EPAS1: variants seen among roughly 807,000 people sequenced by gnomAD.
EPAS1 encodes endothelial PAS domain-containing protein 1.
A neutral mutation model predicts 87.9 loss-of-function variants in EPAS1; 23 were observed. The ratio of observed to expected loss-of-function variants is 0.26; its 90% CI spans 0.19 to 0.37. The LOEUF (loss-of-function observed/expected upper bound fraction) is 0.37. Among genes scored for constraint, EPAS1 ranks in the 10% least tolerant of loss-of-function variants. The pLI, the probability that EPAS1 is intolerant of heterozygous loss-of-function variation, is 1.00. For synonymous variants in EPAS1, 508 were observed against 444.3 expected (o/e 1.14, Z -1.80); for missense variants, 1,138 against 1,120.7 (o/e 1.02, Z -0.22).
chr2:46,359,958 T>G (rs7583554), intron 4 of EPAS1, among the ~76,000 whole-genome samples: 1 of 151,906 alleles, frequency 6.6e-6, no homozygotes, highest in Non-Finnish European at 1.5e-5. Context: ...TAATTTTTGC[T>G]GAGAGAGAGG....
chr2:46,306,731 CT>C (rs1474721153), intron 1 of EPAS1, among the ~76,000 whole-genome samples: 1 of 152,114 alleles, frequency 6.6e-6, no homozygotes, highest in African/African-American at 2.4e-5. Flanking sequence ...AAAATTGTGC[CT>C]TTTGAGGAAC....
chr2:46,329,694 C>T (rs539091143), intron 1 of EPAS1, among the ~76,000 whole-genome samples: 28 of 152,228 alleles, frequency 1.8e-4, no homozygotes, highest in African/African-American at 6.5e-4. Flanking sequence ...CAGTGGTGGG[C>T]ACCTGTAATC....
At chr2:46,382,160 T>A in intron 14 of EPAS1, 71 bp downstream of exon 14, 3 of 1,421,586 alleles carry the variant, frequency 2.1e-6, no homozygotes, top group Non-Finnish European at 2.9e-6. Flanking sequence ...GAGCCCATCC[T>A]GGTTCTTCCA....
chr2:46,298,046 G>A (rs1682921263), intron 1 of EPAS1, 109 bp downstream of exon 1: 2 of 1,379,502 alleles, frequency 1.4e-6, no homozygotes, highest in African/African-American at 1.4e-5. Flanking sequence ...GAGGTCTTCG[G>A]AGCTCGAGGC....
chr2:46,353,086 A>G (rs532178689), intron 2 of EPAS1, among the ~76,000 whole-genome samples: 2 of 152,342 alleles, frequency 1.3e-5, no homozygotes, highest in South Asian at 4.1e-4. Flanking sequence ...TGAAGAGAAA[A>G]TATCTTCTCG....
intron 1 of EPAS1, among the ~76,000 whole-genome samples, chr2:46,324,023 C>T (rs1233878363): frequency 6.6e-6 from 1 of 152,198 alleles, no homozygotes; most frequent in African/African-American, 2.4e-5. Context: ...GTCTCATTTG[C>T]TGTTTGTGCA....
At chr2:46,350,460 C>A (rs1161545042) in intron 2 of EPAS1, among the ~76,000 whole-genome samples, 1 of 152,208 alleles carries the variant, frequency 6.6e-6, no homozygotes, top group Non-Finnish European at 1.5e-5. Flanking sequence ...GAAACCTCAA[C>A]GTTGAGAAAT....
rs199789779 is a variant in EPAS1 at position 46,381,577 on chromosome 2, G to A, written c.2046-19G>A. 9 of 1,613,904 alleles carry A rather than the reference G, an allele frequency of 5.6e-6. No individual in the cohort carries two copies. Among genetic ancestry groups the A allele is most frequent in the Admixed American group, 5.0e-5 (3 of 60,018 alleles). On this transcript the variant is annotated intron_variant, in intron 12 of 15. Transcript: ENST00000263734. ...GTGGCTCCAGACTCCCTCATAGCCT[G>A]CTCTCTCGGGCTTGGCAGGTCTGCA...
intron 6 of EPAS1, among the ~76,000 whole-genome samples, chr2:46,364,777 C>T (rs1205077770): frequency 2.6e-5 from 4 of 152,182 alleles, no homozygotes; most frequent in Admixed American, 1.3e-4. Flanking sequence ...TCTTCATTTA[C>T]GACTCAAACA....
chr2:46,376,310 A>G (rs1444566563), intron 8 of EPAS1, among the ~76,000 whole-genome samples: 1 of 152,224 alleles, frequency 6.6e-6, no homozygotes, highest in African/African-American at 2.4e-5. Context: ...GTGCAATAAT[A>G]TTTAATAAAA....
chr2:46,303,092 A>G (rs1437021425), intron 1 of EPAS1, among the ~76,000 whole-genome samples: 1 of 152,168 alleles, frequency 6.6e-6, no homozygotes, highest in Non-Finnish European at 1.5e-5. Flanking sequence ...GAAAAGAAAG[A>G]AAATATAAAG....
rs1008689161 is a variant in EPAS1 at position 46,383,848 on chromosome 2, G to A, written c.2462-661G>A. Among the ~76,000 whole-genome samples, 8 of 152,336 alleles carry A rather than the reference G, an allele frequency of 5.3e-5. No individual in the cohort carries two copies. In the South Asian group the frequency reaches 1.0e-3, roughly 20 times the overall value. ...CCCCAGCAAGGATCTGAGCTAGGAGGTGCAGGAGGCAATGGCCACTGGAAC... is the reference window on the plus strand; with the variant it reads ...CCCCAGCAAGGATCTGAGCTAGGAGATGCAGGAGGCAATGGCCACTGGAAC... On this transcript the variant is annotated intron_variant, in intron 15 of 15. Transcript: ENST00000263734.
intron 1 of EPAS1, among the ~76,000 whole-genome samples, chr2:46,345,866 T>C (rs1202340359): frequency 6.6e-6 from 1 of 152,200 alleles, no homozygotes; most frequent in Non-Finnish European, 1.5e-5. Context: ...CATTGATTGC[T>C]TACAGTTGGA....
At position 46,384,813 on chromosome 2, in the gene EPAS1, C is replaced by T; in HGVS notation, c.*153C>T. 3 of 912,226 alleles carry T rather than the reference C, an allele frequency of 3.3e-6. No homozygotes were observed. The highest frequency in any genetic ancestry group is 3.4e-6 in the Non-Finnish European group (2 of 594,960). 56.5% of individuals were successfully genotyped at this position (912,226 alleles called of 1,614,324 possible). ...ACTTGCCCAGGTCACCAAGCAGTGGCCTTTTTCTGAGATGCTCACTTTATT... is the reference window on the plus strand; with the variant it reads ...ACTTGCCCAGGTCACCAAGCAGTGGTCTTTTTCTGAGATGCTCACTTTATT... On this transcript the variant is annotated 3_prime_UTR_variant, in exon 16 of 16. Coordinates refer to ENST00000263734, the MANE Select transcript of EPAS1 (RefSeq NM_001430.5).
chr2:46,379,843 C>T (rs574562377), intron 11 of EPAS1: 13 of 323,522 alleles, frequency 4.0e-5, no homozygotes, highest in Admixed American at 3.6e-4. Context: ...CCACAGTGTG[C>T]ACCACAGGCC....
intron 1 of EPAS1, among the ~76,000 whole-genome samples, chr2:46,328,260 G>T (rs550792849): frequency 2.0e-5 from 3 of 152,308 alleles, no homozygotes; most frequent in South Asian, 2.1e-4. Flanking sequence ...AGCTTGAGTG[G>T]GTCTTGAAGA....
At chr2:46,299,097 G>T (rs999672578) in intron 1 of EPAS1, among the ~76,000 whole-genome samples, 2 of 152,260 alleles carry the variant, frequency 1.3e-5, no homozygotes, top group African/African-American at 4.8e-5. Flanking sequence ...GCTAAGGGAG[G>T]GAGGTGACTG....
At position 46,376,962 on chromosome 2, in the gene EPAS1, G is replaced by C. The variant is rs112940952; in HGVS notation, c.1249+209G>C. Reference sequence around the variant, plus strand: ...GCCCTGATAAGACCATCCCATATCCGACCTCACCAAGTGCTGTACGAGGAG... The same window carrying C: ...GCCCTGATAAGACCATCCCATATCCCACCTCACCAAGTGCTGTACGAGGAG... On this transcript the variant is annotated intron_variant, in intron 9 of 15. Coordinates refer to ENST00000263734, the MANE Select transcript of EPAS1 (RefSeq NM_001430.5). Among the ~76,000 whole-genome samples, 10 of 152,190 alleles carry C rather than the reference G, an allele frequency of 6.6e-5. No individual in the cohort carries two copies. The East Asian group carries it at 1.7e-3, about 26-fold the overall frequency.
chr2:46,309,211 A>T (rs1683166162), intron 1 of EPAS1, among the ~76,000 whole-genome samples: 1 of 152,210 alleles, frequency 6.6e-6, no homozygotes, highest in Non-Finnish European at 1.5e-5. Context: ...CTTATCCACC[A>T]TGCGTAGAGC....
Sources: gnomAD v4.1 joint callset for allele counts (sites outside exome capture counted in the v4.1 genomes callset) on GRCh38, gnomAD v4.1.1 for gene constraint, MANE v1.5 for transcripts, NCBI Gene and HGNC (gene_info 2026-07-23, HGNC 2026-07-21) for gene names.